METTL16: variants seen among roughly 807,000 people sequenced by gnomAD.
METTL16 encodes RNA N(6)-adenosine-methyltransferase METTL16.
METTL16 carries 19 observed loss-of-function variants against 57.9 expected under a neutral mutation model. That is an observed-to-expected ratio of 0.33 (90% CI 0.23 to 0.48). METTL16 has a LOEUF of 0.48. Among genes scored for constraint, METTL16 ranks in the 20% least tolerant of loss-of-function variants. The pLI is 0.99. For missense variants in METTL16, 434 were observed against 691.5 expected, an observed-to-expected ratio of 0.63 and a Z score of 4.18; for synonymous variants, 246 against 255.6, an observed-to-expected ratio of 0.96 and a Z score of 0.36.
intron 2 of METTL16, among the ~76,000 whole-genome samples, chr17:2,489,570 T>C (rs917300687): frequency 2.0e-5 from 3 of 151,382 alleles, no homozygotes; most frequent in Admixed American, 6.6e-5. Context: ...ATCCCGTCTC[T>C]ACTAAAAATG....
At chr17:2,460,353 T>C (rs967133450) in intron 6 of METTL16, 1 of 152,078 alleles carries the variant, frequency 6.6e-6, no homozygotes, top group Admixed American at 6.5e-5. Context: ...ATTTACACCC[T>C]TCATTCAATT....
Position 2,464,259 on chromosome 17 carries a change from T to C in METTL16, c.677A>G (p.Glu226Gly). 6.2e-7 allele frequency: 1 copy of C among 1,614,110 alleles called. No homozygotes were observed. Among genetic ancestry groups the C allele is most frequent in the Non-Finnish European group, 8.5e-7 (1 of 1,179,990 alleles). The change falls in exon 6 of 10, where the codon GAG becomes GGG. Residue 226 changes from glutamate (E) to glycine (G), a missense_variant. This residue lies in a region of METTL16 where 118 missense variants were observed against 280.0 expected (regional missense o/e 0.42). Coordinates refer to ENST00000263092, the MANE Select transcript of METTL16 (RefSeq NM_024086.4). ...TEIMAEGGELEFVKRIIHDSL... is the reference protein window; with the variant it reads ...TEIMAEGGELGFVKRIIHDSL... Reference sequence around the variant, plus strand: ...GTCATGGATGATCCTTTTAACAAACTCTAATTCACCTCCTTCTGCCATGAT... The same window carrying C: ...GTCATGGATGATCCTTTTAACAAACCCTAATTCACCTCCTTCTGCCATGAT...
chr17:2,483,969 A>T (rs772342503), intron 2 of METTL16, among the ~76,000 whole-genome samples: 1 of 152,230 alleles, frequency 6.6e-6, no homozygotes, highest in African/African-American at 2.4e-5. Flanking sequence ...TGACCTATTA[A>T]CTAAATTTCA....
intron 6 of METTL16, among the ~76,000 whole-genome samples, chr17:2,454,689 C>T (rs2067096406): frequency 6.6e-6 from 1 of 151,266 alleles, no homozygotes; most frequent in African/African-American, 2.4e-5. Flanking sequence ...CTCAGCCTCC[C>T]AAGTAGCTGG....
chr17:2,435,750 A>AT (rs1252124625), intron 8 of METTL16, among the ~76,000 whole-genome samples: 2 of 125,360 alleles, frequency 1.6e-5, no homozygotes, highest in Non-Finnish European at 3.2e-5. Flanking sequence ...GGAGTGCATT[A>AT]TTAGCGGCTT....
At chr17:2,495,694 CAAA>C (rs58828846) in intron 2 of METTL16, among the ~76,000 whole-genome samples, 27 of 114,722 alleles carry the variant, frequency 2.4e-4, no homozygotes, top group South Asian at 2.7e-4. Context: ...GACTCTGTCT[CAAA>C]AAAAAAAAAA....
Position 2,473,669 on chromosome 17 carries a change from T to C in METTL16, c.329-5A>G, listed in dbSNP as rs769049841. On this transcript the variant is annotated splice_region_variant and splice_polypyrimidine_tract_variant and intron_variant, in intron 3 of 9. Transcript: ENST00000263092. Reference sequence around the variant, plus strand: ...AGATGCAAGATGCCCCCGTGCCTAATAAAATAAAAATACAAAACACATTCT... The same window carrying C: ...AGATGCAAGATGCCCCCGTGCCTAACAAAATAAAAATACAAAACACATTCT... 3.7e-6 allele frequency: 6 copies of C among 1,609,270 alleles called. No individual in the cohort carries two copies. The highest frequency in any genetic ancestry group is 1.6e-4 in the Middle Eastern group (1 of 6,062).
intron 8 of METTL16, among the ~76,000 whole-genome samples, chr17:2,432,991 C>G (rs2066884517): frequency 6.6e-6 from 1 of 152,132 alleles, no homozygotes; most frequent in East Asian, 1.9e-4. Flanking sequence ...CACACCTATG[C>G]AAGAAGGTTT....
chr17:2,437,352 G>A (rs1266116963), intron 8 of METTL16, among the ~76,000 whole-genome samples: 1 of 152,074 alleles, frequency 6.6e-6, no homozygotes, highest in African/African-American at 2.4e-5. Flanking sequence ...CACATCAAAA[G>A]CCTGCAATCC....
At chr17:2,453,526 A>C (rs2067086149) in intron 6 of METTL16, among the ~76,000 whole-genome samples, 1 of 152,210 alleles carries the variant, frequency 6.6e-6, no homozygotes. Flanking sequence ...CAGGTGCGTC[A>C]CATCAGGAGA....
chr17:2,466,946 G>C (rs966312752), intron 5 of METTL16, among the ~76,000 whole-genome samples: 2 of 152,060 alleles, frequency 1.3e-5, no homozygotes, highest in Non-Finnish European at 1.5e-5. Flanking sequence ...GGGTCTACAG[G>C]CACACGCCAT....
chr17:2,506,930 C>T (rs2067542336), intron 1 of METTL16, among the ~76,000 whole-genome samples: 2 of 151,540 alleles, frequency 1.3e-5, no homozygotes, highest in South Asian at 2.1e-4. Context: ...CATCTCTGCC[C>T]GGCCGCCCCG....
intron 8 of METTL16, among the ~76,000 whole-genome samples, chr17:2,430,992 C>T (rs917896936): frequency 3.3e-5 from 5 of 151,998 alleles, no homozygotes; most frequent in Non-Finnish European, 7.4e-5. Context: ...GTTGCCCAGG[C>T]TGGAGTGCAG....
At chr17:2,458,217 T>C (rs1312266590) in intron 6 of METTL16, among the ~76,000 whole-genome samples, 1 of 152,028 alleles carries the variant, frequency 6.6e-6, no homozygotes. Flanking sequence ...CATCCCAAAA[T>C]AGGTGGATTA....
At chr17:2,448,802 T>TAAAAAAAAAAAAAAAAA (rs71150866) in intron 6 of METTL16, among the ~76,000 whole-genome samples, 5 of 43,644 alleles carry the variant, frequency 1.1e-4, no homozygotes, top group Non-Finnish European at 1.6e-4. Context: ...AAATAAAATT[T>TAAAAAAAAAAAAAAAAA]AAAAAAAAAA....
intron 2 of METTL16, among the ~76,000 whole-genome samples, chr17:2,480,814 T>C (rs2067300420): frequency 6.6e-6 from 1 of 152,024 alleles, no homozygotes. Context: ...AATGAAAGAG[T>C]TAGATAATTA....
intron 6 of METTL16, among the ~76,000 whole-genome samples, chr17:2,448,781 T>A (rs796956648): frequency 0.021 from 687 of 32,540 alleles, no homozygotes; most frequent in Middle Eastern, 0.095. Flanking sequence ...AATAAAAAAA[T>A]AAAAAAATAA....
At position 2,418,571 on chromosome 17, in the gene METTL16, C is replaced by T. The variant is rs1031586072; in HGVS notation, c.*1399G>A. On this transcript the variant is annotated 3_prime_UTR_variant, in exon 10 of 10. Coordinates refer to ENST00000263092, the MANE Select transcript of METTL16 (RefSeq NM_024086.4). ...CACCACGGCACTCCAGCCTAGACAA[C>T]AAGAGTAAAACTCCACCTCATAACA... The T allele has an allele frequency of 1.3e-5, 2 of 152,316 alleles. No individual in the cohort carries two copies. The highest frequency in any genetic ancestry group is 4.8e-5 in the African/African-American group (2 of 41,454). The allele number at this position is 152,316 out of a possible 1,614,324, so 9.4% of individuals were successfully genotyped here.
At chr17:2,468,232 G>A (rs543638845) in intron 4 of METTL16, among the ~76,000 whole-genome samples, 1 of 152,304 alleles carries the variant, frequency 6.6e-6, no homozygotes, top group East Asian at 1.9e-4. Context: ...ATATATCCCT[G>A]CTGTTAAGTA....
Sources: allele counts gnomAD v4.1 joint callset (sites outside exome capture counted in the v4.1 genomes callset), GRCh38; gene constraint gnomAD v4.1.1; regional missense constraint gnomAD v4.1.1; transcripts MANE v1.5; gene names NCBI Gene and HGNC (gene_info 2026-07-23, HGNC 2026-07-21).